NUCB1: variants seen among roughly 807,000 people sequenced by gnomAD.
NUCB1 encodes nucleobindin-1.
A neutral mutation model predicts 61.2 loss-of-function variants in NUCB1; 47 were observed. That is an observed-to-expected ratio of 0.77 (90% CI 0.61 to 0.98). The LOEUF (loss-of-function observed/expected upper bound fraction) is 0.98. Ranked by LOEUF, NUCB1 falls within the 50% of genes least tolerant of loss-of-function variation. NUCB1 has a pLI of 0.00. For missense variants in NUCB1, 583 were observed against 605.3 expected (o/e 0.96, Z 0.39); for synonymous variants, 234 against 243.1 (o/e 0.96, Z 0.35).
At chr19:48,915,931 G>A (rs2037535087) in intron 7 of NUCB1, among the ~76,000 whole-genome samples, 1 of 151,992 alleles carries the variant, frequency 6.6e-6, no homozygotes, top group Non-Finnish European at 1.5e-5. Context: ...CTGCAGGTGT[G>A]TGCCACTGCG....
At chr19:48,908,266 G>C (rs919452873) in intron 4 of NUCB1, among the ~76,000 whole-genome samples, 2 of 152,154 alleles carry the variant, frequency 1.3e-5, no homozygotes, top group Non-Finnish European at 1.5e-5. Context: ...GAGTATCTGG[G>C]ATTACAGGTG....
chr19:48,904,527 CTT>C (rs1237030248), intron 3 of NUCB1, 73 bp downstream of exon 3: 11,409 of 564,258 alleles, frequency 0.02, no homozygotes, highest in East Asian at 0.024. Flanking sequence ...GGACTGGTTT[CTT>C]TTTTTTTTTT....
At chr19:48,905,993 G>T in intron 4 of NUCB1, 108 bp downstream of exon 4, 1 of 1,165,398 alleles carries the variant, frequency 8.6e-7, no homozygotes, top group Non-Finnish European at 1.2e-6. Context: ...CTCCCTCCCC[G>T]CTGCGAAATG....
At chr19:48,901,153 A>T in intron 2 of NUCB1, 1 of 616,072 alleles carries the variant, frequency 1.6e-6, no homozygotes, top group Non-Finnish European at 3.0e-6. Context: ...CCCCAACTAA[A>T]CGTCTGTTTT....
chr19:48,905,997 C>CGAAATGTGCTGAAAT lies in NUCB1; in HGVS notation c.376+114_376+128dup. On this transcript the variant is annotated intron_variant, in intron 4 of 12. Coordinates refer to ENST00000405315, the MANE Select transcript of NUCB1 (RefSeq NM_006184.6). ...GCAGGTGAGGCCTCCCTCCCCGCTG[C>CGAAATGTGCTGAAAT]GAAATGTGCTGAAATGTGCGTGGGA... 8.1e-6 allele frequency: 9 copies of CGAAATGTGCTGAAAT among 1,115,170 alleles called. No homozygotes were observed. The Admixed American group carries it at 2.0e-4, about 24-fold the overall frequency. The allele number at this position is 1,115,170 out of a possible 1,614,324, so 69.1% of individuals were successfully genotyped here.
At chr19:48,908,648 C>CAT (rs765868703) in intron 4 of NUCB1, among the ~76,000 whole-genome samples, 3 of 86,496 alleles carry the variant, frequency 3.5e-5, no homozygotes, top group South Asian at 4.7e-4. Context: ...TCTAGCTGCC[C>CAT]GTGTGTGTGT....
In NUCB1 at chr19:48,922,314, C is replaced by T; in HGVS notation, c.1280-4C>T. 4 of 1,612,732 alleles carry T rather than the reference C, an allele frequency of 2.5e-6. No individual in the cohort carries two copies. The highest frequency in any genetic ancestry group is 3.4e-6 in the Non-Finnish European group (4 of 1,178,922). On this transcript the variant is annotated splice_region_variant and splice_polypyrimidine_tract_variant and intron_variant, in intron 12 of 12. Coordinates refer to ENST00000405315, the MANE Select transcript of NUCB1 (RefSeq NM_006184.6). ...GTGCCACCATTCCCTCCCTCCATTT[C>T]CAGACGATGTACCTGTCCCAGCTCC... is the stretch of plus-strand genomic sequence containing the variant.
intron 4 of NUCB1, 24 bp downstream of exon 4, chr19:48,905,909 G>GGTA: frequency 2.0e-6 from 1 of 496,804 alleles, no homozygotes; most frequent in Non-Finnish European, 4.0e-6. Context: ...GGGCGGGAGG[G>GGTA]ACAGGCAGGG....
intron 5 of NUCB1, among the ~76,000 whole-genome samples, chr19:48,912,641 G>C (rs1243138785): frequency 6.6e-6 from 1 of 152,050 alleles, no homozygotes; most frequent in Non-Finnish European, 1.5e-5. Flanking sequence ...TTTGAGACCA[G>C]CCTGGCCAAC....
At position 48,900,320 on chromosome 19, in the gene NUCB1, C is replaced by A. The variant is rs922072651; in HGVS notation, c.-64C>A. 2 of 161,360 alleles carry A rather than the reference C, an allele frequency of 1.2e-5. No individual in the cohort carries two copies. The highest frequency in any genetic ancestry group is 4.8e-5 in the African/African-American group (2 of 41,556). The allele number at this position is 161,360 out of a possible 1,614,324, so 10.0% of individuals were successfully genotyped here. On this transcript the variant is annotated 5_prime_UTR_variant, in exon 1 of 13. Transcript: ENST00000405315. ...GGTCTAGGGGGGAAGTCACCAAGAA[C>A]GCACCGGAGGTCCTTGCCCGCCCTG...
chr19:48,912,709 G>T (rs893866407), intron 5 of NUCB1, among the ~76,000 whole-genome samples: 20 of 147,862 alleles, frequency 1.4e-4, no homozygotes, highest in Admixed American at 3.4e-4. Flanking sequence ...GGTGACACAT[G>T]CCTATAATCC....
At chr19:48,917,829 A>T (rs1197306441) in intron 7 of NUCB1, among the ~76,000 whole-genome samples, 1 of 143,258 alleles carries the variant, frequency 7.0e-6, no homozygotes, top group Non-Finnish European at 1.5e-5. Context: ...TTTTGTAGAG[A>T]CGGGGTCTAG....
chr19:48,913,616 T>C (rs778964713), intron 7 of NUCB1, 52 bp downstream of exon 7: 3 of 1,434,064 alleles, frequency 2.1e-6, no homozygotes, highest in Admixed American at 1.7e-5. Flanking sequence ...ATTCTGACCC[T>C]TCTAGGACCT....
At position 48,900,492 on chromosome 19, in the gene NUCB1, G is replaced by A; in HGVS notation, c.-12+120G>A. ...CAGTACTTTAGGTCCTGGGAAAAGA[G>A]GAGGCTGGGACCCTGGACTCTTGGG... On this transcript the variant is annotated intron_variant, in intron 1 of 12. Coordinates refer to ENST00000405315, the MANE Select transcript of NUCB1 (RefSeq NM_006184.6). 1.8e-5 allele frequency: 8 copies of A among 447,732 alleles called. No individual in the cohort carries two copies. The South Asian group carries it at 2.5e-4, about 14-fold the overall frequency. 27.7% of individuals were successfully genotyped at this position (447,732 alleles called of 1,614,324 possible).
chr19:48,903,713 G>GGTGGATGGATGGATGA (rs2037379236), intron 2 of NUCB1, among the ~76,000 whole-genome samples: 1 of 142,748 alleles, frequency 7.0e-6, no homozygotes, highest in Non-Finnish European at 1.5e-5. Flanking sequence ...TGGATGGGTG[G>GGTGGATGGATGGATGA]GTGGATGGAT....
intron 5 of NUCB1, among the ~76,000 whole-genome samples, chr19:48,911,910 C>A (rs1171347716): frequency 1.3e-5 from 2 of 152,038 alleles, no homozygotes; most frequent in African/African-American, 4.8e-5. Context: ...GGCTGAGTAA[C>A]TTGCCCAGTG....
intron 5 of NUCB1, among the ~76,000 whole-genome samples, 160 bp from the exon 6 acceptor site, chr19:48,912,851 A>AAG (rs991872172): frequency 1.3e-5 from 2 of 151,484 alleles, no homozygotes; most frequent in African/African-American, 4.9e-5. Context: ...CTCAAAAAAA[A>AAG]AAAAAAAAAA....
chr19:48,923,092 C>G lies in NUCB1; in HGVS notation c.*668C>G, dbSNP rs549979965. The G allele has an allele frequency of 6.5e-6, 1 of 153,288 alleles. No homozygotes were observed. The highest frequency in any genetic ancestry group is 2.4e-5 in the African/African-American group (1 of 41,596). 9.5% of individuals were successfully genotyped at this position (153,288 alleles called of 1,614,324 possible). On this transcript the variant is annotated 3_prime_UTR_variant, in exon 13 of 13. Transcript: ENST00000405315. The stretch of plus-strand genomic sequence containing the variant: ...GGCCCCCAGCCCCTTCCCCACACAG[C>G]CCCAGAAGGGTCCCAGAGCTGACCC...
intron 2 of NUCB1, among the ~76,000 whole-genome samples, chr19:48,901,947 C>G (rs1568582557): frequency 1.3e-5 from 2 of 152,130 alleles, no homozygotes; most frequent in Non-Finnish European, 2.9e-5. Context: ...TCCTGAGCAC[C>G]TTCTATGAGC....
Sources: gnomAD v4.1 joint callset for allele counts (sites outside exome capture counted in the v4.1 genomes callset) on GRCh38, gnomAD v4.1.1 for gene constraint, MANE v1.5 for transcripts, NCBI Gene and HGNC (gene_info 2026-07-23, HGNC 2026-07-21) for gene names.